CNOT4: variants seen among roughly 807,000 people sequenced by gnomAD.
CNOT4 encodes CCR4-NOT transcription complex subunit 4, also known as CCR4-associated factor 4.
A neutral mutation model predicts 73.8 loss-of-function variants in CNOT4; 8 were observed. The ratio of observed to expected loss-of-function variants is 0.11; its 90% CI spans 0.06 to 0.20. CNOT4 has a LOEUF of 0.20. CNOT4 is among the 10% of genes least tolerant of loss of function. The pLI, the probability that CNOT4 is intolerant of heterozygous loss-of-function variation, is 1.00. For synonymous variants in CNOT4, 293 were observed against 321.1 expected (o/e 0.91, Z 0.94); for missense variants, 564 against 883.4 (o/e 0.64, Z 4.58).
At chr7:135,463,567 C>G (rs1432128725) in intron 1 of CNOT4, among the ~76,000 whole-genome samples, 1 of 264 alleles carries the variant, frequency 3.8e-3, no homozygotes, top group African/African-American at 0.017. Context: ...AAAAACCAAC[C>G]AACCAACCAC....
chr7:135,445,412 T>C (rs1799763840), intron 1 of CNOT4, among the ~76,000 whole-genome samples: 1 of 152,184 alleles, frequency 6.6e-6, no homozygotes, highest in Admixed American at 6.5e-5. Context: ...TACCACCTAC[T>C]GATGGTTACA....
At chr7:135,506,770 C>A (rs1804397326) in intron 1 of CNOT4, among the ~76,000 whole-genome samples, 2 of 151,910 alleles carry the variant, frequency 1.3e-5, no homozygotes, top group South Asian at 4.2e-4. Context: ...ATCGCTTGAA[C>A]CTGGGAGGCA....
chr7:135,399,239 T>C (rs998268728), intron 7 of CNOT4, among the ~76,000 whole-genome samples: 1 of 152,108 alleles, frequency 6.6e-6, no homozygotes. Context: ...GATTTTGTCA[T>C]TGTGGAAACA....
Position 135,362,311 on chromosome 7 carries a change from T to C in CNOT4, c.*574A>G, listed in dbSNP as rs538501645. 3.9e-4 allele frequency: 63 copies of C among 161,164 alleles called. No homozygotes were observed. In the South Asian group the frequency reaches 0.011, roughly 27 times the overall value. 10.0% of individuals were successfully genotyped at this position (161,164 alleles called of 1,614,324 possible). On this transcript the variant is annotated 3_prime_UTR_variant, in exon 12 of 12. Transcript: ENST00000541284. The stretch of plus-strand genomic sequence containing the variant: ...CTTTCCATCAACTTCCAATACATTC[T>C]TTTGCTTAATGACACAATCAAGTCC...
At chr7:135,384,726 G>A (rs1331132215) in intron 10 of CNOT4, 1 of 765,166 alleles carries the variant, frequency 1.3e-6, no homozygotes, top group Non-Finnish European at 2.4e-6. Context: ...GCTCTGTAAG[G>A]TCTGCCTTTA....
intron 1 of CNOT4, among the ~76,000 whole-genome samples, chr7:135,504,457 G>A (rs1428487218): frequency 8.1e-6 from 1 of 123,066 alleles, no homozygotes; most frequent in Non-Finnish European, 1.7e-5. Context: ...CACCACATCC[G>A]GCTAATTTTT....
At position 135,481,063 on chromosome 7, in the gene CNOT4, A is replaced by G. The variant is rs1802349707; in HGVS notation, c.-93+28826T>C. On this transcript the variant is annotated intron_variant, in intron 1 of 11. Coordinates refer to ENST00000541284, the MANE Select transcript of CNOT4 (RefSeq NM_001190850.2). ...TTTATGGCTAAGACCTCAAAAGCTC[A>G]GACAACAAAAATAAAAATAGACAAA... 2.6e-5 allele frequency among the ~76,000 whole-genome samples: 4 copies of G among 151,966 alleles called. No individual in the cohort carries two copies. The South Asian group carries it at 8.3e-4, about 32-fold the overall frequency.
At chr7:135,481,686 C>A (rs1188435989) in intron 1 of CNOT4, among the ~76,000 whole-genome samples, 2 of 152,136 alleles carry the variant, frequency 1.3e-5, no homozygotes, top group Non-Finnish European at 2.9e-5. Flanking sequence ...AGACAAAGAA[C>A]CAACTTAAGT....
chr7:135,464,765 AAAAAT>A (rs1356754410), intron 1 of CNOT4, among the ~76,000 whole-genome samples: 9 of 151,836 alleles, frequency 5.9e-5, no homozygotes, highest in South Asian at 2.1e-4. Context: ...TTTAAAAATA[AAAAAT>A]AAAATAATTT....
chr7:135,420,834 TAAAA>T (rs535666272), intron 3 of CNOT4, among the ~76,000 whole-genome samples: 1 of 147,878 alleles, frequency 6.8e-6, no homozygotes, highest in South Asian at 2.2e-4. Flanking sequence ...ACCACTAGCT[TAAAA>T]AAAAAAGAGG....
intron 1 of CNOT4, among the ~76,000 whole-genome samples, chr7:135,451,887 C>T (rs1800191365): frequency 6.6e-6 from 1 of 152,112 alleles, no homozygotes; most frequent in Non-Finnish European, 1.5e-5. Context: ...CAACACTGTA[C>T]CATAGACATG....
chr7:135,431,323 A>G (rs1324796954), intron 2 of CNOT4, among the ~76,000 whole-genome samples: 1 of 152,244 alleles, frequency 6.6e-6, no homozygotes, highest in Non-Finnish European at 1.5e-5. Context: ...GTCTTTTTGC[A>G]TAGAACACAT....
intron 7 of CNOT4, among the ~76,000 whole-genome samples, chr7:135,407,995 G>A (rs1797391252): frequency 6.6e-6 from 1 of 152,040 alleles, no homozygotes; most frequent in Non-Finnish European, 1.5e-5. Flanking sequence ...TGCATAAAAA[G>A]TTCACTCTGT....
intron 1 of CNOT4, among the ~76,000 whole-genome samples, chr7:135,479,779 A>G (rs994692084): frequency 4.0e-5 from 6 of 151,746 alleles, no homozygotes; most frequent in Non-Finnish European, 8.8e-5. Context: ...GGTCCCAGCT[A>G]CTCGAGAGGC....
intron 2 of CNOT4, among the ~76,000 whole-genome samples, chr7:135,436,060 T>C (rs1799136730): frequency 6.6e-6 from 1 of 152,126 alleles, no homozygotes; most frequent in Non-Finnish European, 1.5e-5. Flanking sequence ...GATCTAATGC[T>C]TCCTCCTTGA....
intron 7 of CNOT4, among the ~76,000 whole-genome samples, chr7:135,405,011 C>A (rs1278037897): frequency 6.6e-6 from 1 of 152,090 alleles, no homozygotes; most frequent in Non-Finnish European, 1.5e-5. Flanking sequence ...AAAGTTTTTC[C>A]TAAGAGCTGC....
chr7:135,500,084 C>G (rs1357224036), intron 1 of CNOT4, among the ~76,000 whole-genome samples: 2 of 152,110 alleles, frequency 1.3e-5, no homozygotes, highest in Non-Finnish European at 2.9e-5. Context: ...CACTATTTCC[C>G]AAGTCACTAA....
Position 135,394,119 on chromosome 7 carries a change from A to G in CNOT4, c.1426T>C (p.Phe476Leu). ...NSTFSVLPQR[F>L]PQFQQHRAVY... The stretch of plus-strand genomic sequence containing the variant: ...GCTCGGTGCTGCTGAAATTGAGGGA[A>G]CCTCTGGGGCAAGACTGAAAAGGTA... Residue 476 changes from phenylalanine to leucine, a missense_variant, in exon 10 of 12, where the codon TTC becomes CTC. By Grantham distance (22) the Phe-to-Leu change is conservative. Coordinates refer to ENST00000541284, the MANE Select transcript of CNOT4 (RefSeq NM_001190850.2). 6.2e-7 allele frequency: 1 copy of G among 1,613,982 alleles called. No homozygotes were observed.
intron 1 of CNOT4, among the ~76,000 whole-genome samples, chr7:135,457,625 T>C (rs950869007): frequency 3.9e-5 from 6 of 152,118 alleles, no homozygotes; most frequent in Non-Finnish European, 8.8e-5. Context: ...TCCACGCTTC[T>C]AATACTATTT....
Sources: gnomAD v4.1 joint callset for allele counts (sites outside exome capture counted in the v4.1 genomes callset) on GRCh38, gnomAD v4.1.1 for gene constraint, MANE v1.5 for transcripts, NCBI Gene and HGNC (gene_info 2026-07-23, HGNC 2026-07-21) for gene names.